The following GATC variants were observed in gnomAD, a reference collection of about 807,000 sequenced individuals.
GATC encodes the protein glutamyl-tRNA(Gln) amidotransferase subunit C, mitochondrial.
Under a neutral mutation model 14.4 loss-of-function variants are expected in GATC, and 11 were observed. That is an observed-to-expected ratio of 0.77 (90% CI 0.48 to 1.27). The LOEUF (loss-of-function observed/expected upper bound fraction) is 1.27. Ranked by LOEUF, GATC falls within the 50% of genes most tolerant of loss-of-function variation. The pLI is 0.00. For synonymous variants in GATC, 76 were observed against 79.3 expected (o/e 0.96, Z 0.22); for missense variants, 204 against 183.0 (o/e 1.11, Z -0.66).
intron 2 of GATC, among the ~76,000 whole-genome samples, chr12:120,451,749 C>A (rs1438484340): frequency 2.6e-5 from 4 of 151,014 alleles, no homozygotes; most frequent in Non-Finnish European, 5.9e-5. Context: ...CTCAAAAAAA[C>A]AAACAAACAA....
intron 2 of GATC, among the ~76,000 whole-genome samples, chr12:120,448,118 C>T (rs1222370179): frequency 1.3e-5 from 2 of 152,042 alleles, no homozygotes; most frequent in Non-Finnish European, 2.9e-5. Context: ...GACGGGGTCT[C>T]ACTATGTTGC....
intron 2 of GATC, among the ~76,000 whole-genome samples, chr12:120,448,663 T>TG (rs1877946981): frequency 6.8e-6 from 1 of 147,206 alleles, no homozygotes; most frequent in Admixed American, 6.8e-5. Context: ...TTTTTTTTTT[T>TG]GAGACGGAGT....
intron 2 of GATC, among the ~76,000 whole-genome samples, chr12:120,455,772 G>A (rs2393589): frequency 0.73 from 110,618 of 151,558 alleles, 41,517 homozygotes; most frequent in African/African-American, 0.91. Context: ...TGCAAGCTCC[G>A]CCTCCCGGGT....
At position 120,461,708 on chromosome 12, in the gene GATC, G is replaced by T. The variant is rs928172161; in HGVS notation, c.*1749G>T. 3.4e-5 allele frequency: 7 copies of T among 203,970 alleles called. No individual in the cohort carries two copies. The highest frequency in any genetic ancestry group is 5.8e-5 in the Admixed American group (1 of 17,226). The allele number at this position is 203,970 out of a possible 1,614,324, so 12.6% of individuals were successfully genotyped here. On this transcript the variant is annotated 3_prime_UTR_variant, in exon 4 of 4. Transcript: ENST00000551765. ...TTAAAATATATTTCTAAACAGAATG[G>T]GCCGACTCAGTCACAGTAACTGTTG... is the stretch of plus-strand genomic sequence containing the variant.
rs1346842375 is a variant in GATC, at chr12:120,462,403, A to G, written c.*2444A>G. ...ATCATTTGCCCAAGGTAACACAATA[A>G]ATGCCAATTTGACATGTTGATACTC... On this transcript the variant is annotated 3_prime_UTR_variant, in exon 4 of 4. Coordinates refer to ENST00000551765, the MANE Select transcript of GATC (RefSeq NM_176818.3). The G allele has an allele frequency of 2.6e-6, 1 of 385,492 alleles. No individual in the cohort carries two copies. Among genetic ancestry groups the G allele is most frequent in the East Asian group, 4.4e-5 (1 of 22,568 alleles). The allele number at this position is 385,492 out of a possible 1,614,324, so 23.9% of individuals were successfully genotyped here.
At chr12:120,457,311 A>C (rs1237102202) in intron 3 of GATC, 132 bp downstream of exon 3, 15 of 709,624 alleles carry the variant, frequency 2.1e-5, no homozygotes. Context: ...TGGTGGCATT[A>C]AGGTGGCAGT....
chr12:120,455,862 A>G (rs1878170721), intron 2 of GATC, among the ~76,000 whole-genome samples: 1 of 151,530 alleles, frequency 6.6e-6, no homozygotes, highest in Admixed American at 6.6e-5. Flanking sequence ...ATTTTTTTGT[A>G]TTTTTAGTAG....
At chr12:120,452,167 G>A (rs538803190) in intron 2 of GATC, among the ~76,000 whole-genome samples, 34 of 151,412 alleles carry the variant, frequency 2.2e-4, no homozygotes, top group African/African-American at 7.8e-4. Context: ...ATGAGCCACC[G>A]TGCCCGGCCT....
At chr12:120,457,996 A>G (rs1039957595) in intron 3 of GATC, among the ~76,000 whole-genome samples, 28 of 152,166 alleles carry the variant, frequency 1.8e-4, no homozygotes, top group African/African-American at 6.3e-4. Context: ...CATTCAAAGC[A>G]GGAGGAGCAT....
intron 3 of GATC, 66 bp from the exon 4 acceptor site, chr12:120,459,841 C>G (rs1025301987): frequency 3.9e-6 from 5 of 1,281,058 alleles, no homozygotes; most frequent in Non-Finnish European, 5.6e-6. Context: ...TGGGCAACAG[C>G]GAGACTCTGT....
At chr12:120,455,034 T>C in intron 2 of GATC, 1 of 441,824 alleles carries the variant, frequency 2.3e-6, no homozygotes, top group Non-Finnish European at 4.5e-6. Flanking sequence ...ATTACAGGTA[T>C]GTACCACCAT....
Position 120,463,657 on chromosome 12 carries a change from G to A in GATC, c.*3698G>A, listed in dbSNP as rs1045007258. ...TTGTGAATGGGGTGGTATGAAGACC[G>A]ACTGCACTAGTATTCTCTCCAGGTT... On this transcript the variant is annotated 3_prime_UTR_variant, in exon 4 of 4. Coordinates refer to ENST00000551765, the MANE Select transcript of GATC (RefSeq NM_176818.3). The A allele has an allele frequency of 6.4e-5, 15 of 235,688 alleles. No individual in the cohort carries two copies. The highest frequency in any genetic ancestry group is 1.4e-4 in the African/African-American group (6 of 44,300). 14.6% of individuals were successfully genotyped at this position (235,688 alleles called of 1,614,324 possible). A position where few individuals can be genotyped will look rare whatever the true frequency, so the allele number is the denominator to read the frequency against.
intron 2 of GATC, chr12:120,454,882 ACT>A (rs1878139863): frequency 3.1e-4 from 78 of 251,982 alleles, no homozygotes; most frequent in South Asian, 2.8e-3. Flanking sequence ...ATCTAGTACA[ACT>A]CTCTTTTGTG....
chr12:120,459,737 T>C (rs1361252623), intron 3 of GATC, among the ~76,000 whole-genome samples, 170 bp from the exon 4 acceptor site: 2 of 152,156 alleles, frequency 1.3e-5, no homozygotes, highest in African/African-American at 4.8e-5. Flanking sequence ...GCGCCTGTAG[T>C]CCCAGCTACT....
chr12:120,451,935 G>A lies in GATC; in HGVS notation c.254+5106G>A, dbSNP rs187857827. Reference sequence around the variant, plus strand: ...CTCTGTCGTCCAGGCTGGATGCAGTGGCACGATCTCAGCTCACTGCAACCT... The same window carrying A: ...CTCTGTCGTCCAGGCTGGATGCAGTAGCACGATCTCAGCTCACTGCAACCT... On this transcript the variant is annotated intron_variant, in intron 2 of 3. Coordinates refer to ENST00000551765, the MANE Select transcript of GATC (RefSeq NM_176818.3). Among the ~76,000 whole-genome samples the A allele has an allele frequency of 5.9e-4, 81 of 136,282 alleles. No individual in the cohort carries two copies. The East Asian group carries it at 0.017, about 28-fold the overall frequency. 89.4% of individuals were successfully genotyped at this position (136,282 alleles called of 152,430 possible). A position where few individuals can be genotyped will look rare whatever the true frequency, so the allele number is the denominator to read the frequency against.
intron 2 of GATC, among the ~76,000 whole-genome samples, chr12:120,447,180 A>G (rs1162612874): frequency 6.6e-6 from 1 of 150,886 alleles, no homozygotes; most frequent in African/African-American, 2.4e-5. Context: ...GTGTTCAAGC[A>G]ATTCTCTGCC....
intron 3 of GATC, among the ~76,000 whole-genome samples, chr12:120,458,992 C>G (rs1340778772): frequency 6.6e-6 from 1 of 152,088 alleles, no homozygotes; most frequent in Non-Finnish European, 1.5e-5. Context: ...TCCCAAGTAG[C>G]TAGGACTACA....
Position 120,460,101 on chromosome 12 carries a change from T to C in GATC, c.*142T>C, listed in dbSNP as rs1410797108. ...CAAGCATTTCTTAATAACAGATTCT[T>C]CTGAAGACAGAATTGGGAAAGATCT... On this transcript the variant is annotated 3_prime_UTR_variant, in exon 4 of 4. Transcript: ENST00000551765. 1.7e-6 allele frequency: 1 copy of C among 598,602 alleles called. No homozygotes were observed. The highest frequency in any genetic ancestry group is 3.0e-6 in the Non-Finnish European group (1 of 334,026). The allele number at this position is 598,602 out of a possible 1,614,324, so 37.1% of individuals were successfully genotyped here. A position where few individuals can be genotyped will look rare whatever the true frequency, so the allele number is the denominator to read the frequency against.
At chr12:120,453,513 T>C (rs1794735) in intron 2 of GATC, among the ~76,000 whole-genome samples, 3,452 of 152,224 alleles carry the variant, frequency 0.023, 134 homozygotes, top group African/African-American at 0.078. Flanking sequence ...AGAACCCTGA[T>C]TGGGAAAGAC....
Sources: allele counts gnomAD v4.1 joint callset (sites outside exome capture counted in the v4.1 genomes callset), GRCh38; gene constraint gnomAD v4.1.1; transcripts MANE v1.5; gene names NCBI Gene and HGNC (gene_info 2026-07-23, HGNC 2026-07-21).